The following PEAK1 variants were observed in gnomAD, a reference collection of about 807,000 sequenced individuals.
PEAK1 encodes the protein inactive tyrosine-protein kinase PEAK1.
Under a neutral mutation model 124.7 loss-of-function variants are expected in PEAK1, and 54 were observed. The observed-to-expected ratio is 0.43, with a 90% CI of 0.35 to 0.54. PEAK1 has a LOEUF of 0.54. PEAK1 is among the 20% of genes least tolerant of loss of function. The probability of loss-of-function intolerance (pLI) is 0.01; values close to 1 mark genes in which losing one functional copy is unlikely to be tolerated. For missense variants in PEAK1, 2,046 were observed against 2,134.5 expected (o/e 0.96, Z 0.82); for synonymous variants, 719 against 760.0 (o/e 0.95, Z 0.89).
At chr15:77,206,864 ATAC>A (rs967471716) in intron 6 of PEAK1, among the ~76,000 whole-genome samples, 142 of 152,288 alleles carry the variant, frequency 9.3e-4, no homozygotes, top group African/African-American at 3.3e-3. Context: ...ACTTCAAACT[ATAC>A]TACAAGGCTA....
chr15:77,410,275 G>A (rs1209579445), intron 1 of PEAK1, among the ~76,000 whole-genome samples: 4 of 151,858 alleles, frequency 2.6e-5, no homozygotes, highest in Non-Finnish European at 5.9e-5. Context: ...ACAGGCATGC[G>A]CCACCACGCC....
chr15:77,226,052 TA>T (rs1263809424), intron 6 of PEAK1, among the ~76,000 whole-genome samples: 2 of 59,744 alleles, frequency 3.3e-5, no homozygotes, highest in Non-Finnish European at 7.6e-5. Flanking sequence ...GGGATATATA[TA>T]TATATATATA....
intron 5 of PEAK1, among the ~76,000 whole-genome samples, chr15:77,280,810 A>G (rs2062627417): frequency 6.6e-6 from 1 of 152,146 alleles, no homozygotes. Flanking sequence ...TGATTATTAG[A>G]TAGCACTCTC....
intron 2 of PEAK1, among the ~76,000 whole-genome samples, chr15:77,306,133 G>A (rs2064090018): frequency 1.3e-5 from 2 of 152,112 alleles, no homozygotes; most frequent in Admixed American, 1.3e-4. Context: ...AACCCGTTTT[G>A]CTCTCCTTGT....
intron 8 of PEAK1, among the ~76,000 whole-genome samples, chr15:77,140,750 T>C (rs1014860508): frequency 3.2e-4 from 49 of 151,874 alleles, no homozygotes; most frequent in Middle Eastern, 6.8e-3. Context: ...TTTTTTTTTT[T>C]CCCAGACAGG....
intron 6 of PEAK1, among the ~76,000 whole-genome samples, chr15:77,188,376 A>C (rs1339364314): frequency 6.6e-6 from 1 of 152,192 alleles, no homozygotes; most frequent in Non-Finnish European, 1.5e-5. Context: ...GCAAAGCAGC[A>C]CCGCTCAGTT....
chr15:77,387,485 T>C (rs2070052524), intron 1 of PEAK1, among the ~76,000 whole-genome samples: 1 of 152,236 alleles, frequency 6.6e-6, no homozygotes, highest in African/African-American at 2.4e-5. Context: ...AGTGATTTGC[T>C]CACAGCTGAT....
intron 2 of PEAK1, among the ~76,000 whole-genome samples, chr15:77,303,893 A>G (rs888030838): frequency 6.6e-6 from 1 of 152,220 alleles, no homozygotes; most frequent in Non-Finnish European, 1.5e-5. Context: ...TAATTATTGC[A>G]TAAATTATAA....
intron 5 of PEAK1, among the ~76,000 whole-genome samples, chr15:77,253,683 C>T (rs1325497285): frequency 2.0e-5 from 3 of 152,054 alleles, no homozygotes; most frequent in African/African-American, 7.2e-5. Context: ...TTCATCCTTA[C>T]AACTTTTTAC....
intron 6 of PEAK1, among the ~76,000 whole-genome samples, chr15:77,246,904 G>A (rs2152919814): frequency 6.6e-6 from 1 of 152,232 alleles, no homozygotes; most frequent in Middle Eastern, 3.4e-3. Context: ...TGCAATCCTA[G>A]CTACTCAAGA....
intron 6 of PEAK1, among the ~76,000 whole-genome samples, chr15:77,220,764 T>C (rs932861373): frequency 1.4e-4 from 22 of 152,118 alleles, no homozygotes; most frequent in African/African-American, 4.8e-4. Context: ...ATATTTCTTA[T>C]GTGTTTTTTA....
chr15:77,150,859 T>A (rs1439406597), intron 8 of PEAK1, among the ~76,000 whole-genome samples: 1 of 152,198 alleles, frequency 6.6e-6, no homozygotes, highest in Admixed American at 6.5e-5. Context: ...TTTTTATGGC[T>A]GCATAGTATT....
intron 2 of PEAK1, chr15:77,345,980 C>A (rs774147013): frequency 6.4e-5 from 63 of 985,152 alleles, no homozygotes; most frequent in Non-Finnish European, 7.5e-5. Flanking sequence ...AAAAAGAATA[C>A]AACTGAATAA....
intron 9 of PEAK1, among the ~76,000 whole-genome samples, chr15:77,117,359 A>C (rs2051482872): frequency 6.6e-6 from 1 of 152,234 alleles, no homozygotes; most frequent in Non-Finnish European, 1.5e-5. Flanking sequence ...AATATGAAGA[A>C]CACTGAAATC....
intron 1 of PEAK1, chr15:77,404,636 C>T (rs2142042305): frequency 1.1e-6 from 1 of 945,704 alleles, no homozygotes; most frequent in East Asian, 1.2e-4. Context: ...TAAGATATAC[C>T]CAAGAGATTT....
chr15:77,272,943 G>C (rs914623671), intron 5 of PEAK1, among the ~76,000 whole-genome samples: 18 of 152,090 alleles, frequency 1.2e-4, no homozygotes, highest in Non-Finnish European at 2.4e-4. Context: ...CAGGGATGCA[G>C]GGATGGTTTA....
At chr15:77,260,259 G>T (rs924302879) in intron 5 of PEAK1, among the ~76,000 whole-genome samples, 1 of 152,088 alleles carries the variant, frequency 6.6e-6, no homozygotes, top group African/African-American at 2.4e-5. Flanking sequence ...AAACTAATCT[G>T]TACTTAACAA....
intron 2 of PEAK1, chr15:77,350,313 G>A (rs2067130802): frequency 1.0e-6 from 1 of 985,216 alleles, no homozygotes; most frequent in Admixed American, 6.2e-5. Context: ...TGGGAATCCA[G>A]CACTCTTGAA....
chr15:77,246,734 G>A (rs2060607479), intron 6 of PEAK1, among the ~76,000 whole-genome samples: 1 of 151,750 alleles, frequency 6.6e-6, no homozygotes, highest in South Asian at 2.1e-4. Context: ...ATTGTGTATA[G>A]AAGGACCAGG....
Sources: gnomAD v4.1 joint callset for allele counts (sites outside exome capture counted in the v4.1 genomes callset) on GRCh38, gnomAD v4.1.1 for gene constraint, MANE v1.5 for transcripts, NCBI Gene and HGNC (gene_info 2026-07-23, HGNC 2026-07-21) for gene names.